Variants in SATB2 observed in about 807,000 individuals in gnomAD.
SATB2 encodes DNA-binding protein SATB2.
SATB2 carries 1 observed loss-of-function variant against 73.4 expected under a neutral mutation model. That is an observed-to-expected ratio of 0.01 (90% CI 0.00 to 0.06). The LOEUF (loss-of-function observed/expected upper bound fraction) is 0.06. SATB2 is among the 10% of genes least tolerant of loss of function. SATB2 has a pLI of 1.00. For missense variants in SATB2, 459 were observed against 945.8 expected (o/e 0.49, Z 6.75); for synonymous variants, 397 against 367.0 (o/e 1.08, Z -0.93).
At chr2:199,315,593 A>AC (rs1687710514) in intron 9 of SATB2, among the ~76,000 whole-genome samples, 1 of 151,986 alleles carries the variant, frequency 6.6e-6, no homozygotes, top group Non-Finnish European at 1.5e-5. Context: ...CTTGGTTTTG[A>AC]CCCCAACTTC....
At chr2:199,321,521 CAT>C (rs1304318402) in intron 9 of SATB2, among the ~76,000 whole-genome samples, 3 of 150,566 alleles carry the variant, frequency 2.0e-5, no homozygotes, top group South Asian at 2.1e-4. Context: ...TATATACACA[CAT>C]ATACATATAT....
chr2:199,456,158 C>A (rs1343164402), intron 1 of SATB2, 62 bp from the exon 2 acceptor site: 3 of 935,794 alleles, frequency 3.2e-6, no homozygotes, highest in Non-Finnish European at 3.3e-6. Flanking sequence ...CGCTCATACA[C>A]GTGATAGACG....
intron 2 of SATB2, among the ~76,000 whole-genome samples, chr2:199,437,496 G>A (rs1159778680): frequency 6.6e-6 from 1 of 152,200 alleles, no homozygotes; most frequent in Non-Finnish European, 1.5e-5. Flanking sequence ...ACTGTTCACA[G>A]CAACAGCTGT....
At chr2:199,274,784 G>A (rs557379661) in intron 10 of SATB2, among the ~76,000 whole-genome samples, 9 of 139,462 alleles carry the variant, frequency 6.5e-5, no homozygotes, top group African/African-American at 1.4e-4. Flanking sequence ...TGAGAGCTCC[G>A]TTACTTTAGC....
Position 199,386,705 on chromosome 2 carries a change from C to T in SATB2, c.347-4885G>A, listed in dbSNP as rs868285022. Among the ~76,000 whole-genome samples the T allele has an allele frequency of 3.2e-3, 217 of 68,856 alleles. 1 individual carries two copies. The highest frequency in any genetic ancestry group is 0.015 in the African/African-American group (168 of 11,212). The allele number at this position is 68,856 out of a possible 152,430, so 45.2% of individuals were successfully genotyped here. On this transcript the variant is annotated intron_variant, in intron 3 of 10. Coordinates refer to ENST00000417098, the MANE Select transcript of SATB2 (RefSeq NM_001172509.2). ...TCATACACGTGCGCAAGCGCGCGCG[C>T]GCGCGCGCGCGCACACACACACACA...
intron 10 of SATB2, among the ~76,000 whole-genome samples, chr2:199,284,918 A>T (rs894891964): frequency 3.3e-5 from 5 of 152,124 alleles, no homozygotes; most frequent in Non-Finnish European, 5.9e-5. Flanking sequence ...TAAACTAGAG[A>T]TAATTCAAAG....
chr2:199,298,464 G>A lies in SATB2; in HGVS notation c.1740+10296C>T, dbSNP rs1403053868. Among the ~76,000 whole-genome samples, 5 of 152,220 alleles carry A rather than the reference G, an allele frequency of 3.3e-5. No individual in the cohort carries two copies. The South Asian group carries it at 1.0e-3, about 32-fold the overall frequency. On this transcript the variant is annotated intron_variant, in intron 10 of 10. Transcript: ENST00000417098. ...TATTTTTTAAAAAAGAAGAAATGGA[G>A]GTTAAAATAAATTATATTTCCATTT... is the stretch of plus-strand genomic sequence containing the variant.
At chr2:199,296,669 A>T (rs896514627) in intron 10 of SATB2, among the ~76,000 whole-genome samples, 1 of 152,056 alleles carries the variant, frequency 6.6e-6, no homozygotes, top group African/African-American at 2.4e-5. Flanking sequence ...ACTTCACTCC[A>T]GCCTGAGCAA....
chr2:199,324,578 T>G (rs1463263115), intron 8 of SATB2, among the ~76,000 whole-genome samples: 1 of 152,182 alleles, frequency 6.6e-6, no homozygotes, highest in Admixed American at 6.6e-5. Flanking sequence ...TGTGCCGTTT[T>G]CATTTTCTTA....
At chr2:199,393,409 C>T (rs1046858625) in intron 3 of SATB2, among the ~76,000 whole-genome samples, 9 of 152,036 alleles carry the variant, frequency 5.9e-5, no homozygotes, top group African/African-American at 1.4e-4. Flanking sequence ...GAAAAGTGAG[C>T]GCCCATACTC....
chr2:199,434,854 G>A (rs1389891423), intron 2 of SATB2, among the ~76,000 whole-genome samples: 2 of 152,044 alleles, frequency 1.3e-5, no homozygotes, highest in African/African-American at 4.8e-5. Context: ...GCAAACTACT[G>A]GGTTACAGAT....
Position 199,366,812 on chromosome 2 carries a change from TAA to T in SATB2, c.700+1791_700+1792del, listed in dbSNP as rs36110374. Among the ~76,000 whole-genome samples the T allele has an allele frequency of 3.8e-3, 540 of 140,740 alleles. 2 individuals are homozygous for T. Among genetic ancestry groups the T allele is most frequent in the Middle Eastern group, 0.011 (3 of 274 alleles). 92.3% of individuals were successfully genotyped at this position (140,740 alleles called of 152,430 possible). A position where few individuals can be genotyped will look rare whatever the true frequency, so the allele number is the denominator to read the frequency against. ...GATTTAATTGTGCATTTACTATCTT[TAA>T]AAAAAAAAAAAAAAGATACAGCTTG... On this transcript the variant is annotated intron_variant, in intron 6 of 10. Transcript: ENST00000417098.
At chr2:199,283,284 G>A (rs908912347) in intron 10 of SATB2, among the ~76,000 whole-genome samples, 3 of 149,388 alleles carry the variant, frequency 2.0e-5, no homozygotes, top group Non-Finnish European at 4.4e-5. Flanking sequence ...TAGGGACGGG[G>A]TTTCATCGTA....
rs1227195255 is a variant in SATB2, at chr2:199,433,360, G to A, written c.324C>T (p.His108=). The A allele has an allele frequency of 6.2e-7, 1 of 1,614,066 alleles. No individual in the cohort carries two copies. Among genetic ancestry groups the A allele is most frequent in the Non-Finnish European group, 8.5e-7 (1 of 1,179,980 alleles). ...TACCTTGGGCCTGGGCCGCAGAGCT[G>A]TGAGAATACCCCAGGGCCAGGAGCG... ...ETALLALGYS[H]SSAAQAQGII... The change falls in exon 3 of 11, where the codon CAC becomes CAT. Residue 108 remains histidine, a synonymous_variant. Coordinates refer to ENST00000417098, the MANE Select transcript of SATB2 (RefSeq NM_001172509.2).
At chr2:199,287,359 GGAAAA>G (rs994929220) in intron 10 of SATB2, among the ~76,000 whole-genome samples, 12 of 152,146 alleles carry the variant, frequency 7.9e-5, no homozygotes, top group Middle Eastern at 6.8e-3. Context: ...GATATATGAA[GGAAAA>G]GAATAGATAC....
intron 7 of SATB2, chr2:199,346,761 A>T (rs1688662030): frequency 6.6e-6 from 1 of 151,722 alleles, no homozygotes; most frequent in Non-Finnish European, 1.5e-5. Context: ...CTGGTATAAC[A>T]TTTCACTTAG....
At chr2:199,372,704 C>A (rs1355425399) in intron 5 of SATB2, among the ~76,000 whole-genome samples, 1 of 152,050 alleles carries the variant, frequency 6.6e-6, no homozygotes, top group Admixed American at 6.6e-5. Context: ...CATCAGCGAC[C>A]CCAAGCTCAA....
intron 1 of SATB2, 42 bp from the exon 2 acceptor site, chr2:199,456,138 G>A: frequency 9.4e-7 from 1 of 1,060,348 alleles, no homozygotes; most frequent in South Asian, 1.4e-5. Flanking sequence ...GGAGAAAAAA[G>A]AGGGAAAACC....
intron 6 of SATB2, among the ~76,000 whole-genome samples, chr2:199,352,246 T>C (rs1688840267): frequency 6.6e-6 from 1 of 152,214 alleles, no homozygotes; most frequent in South Asian, 2.1e-4. Flanking sequence ...CAAACATTAA[T>C]TTTCCAAAAT....
Sources: allele counts gnomAD v4.1 joint callset (sites outside exome capture counted in the v4.1 genomes callset), GRCh38; gene constraint gnomAD v4.1.1; transcripts MANE v1.5; gene names NCBI Gene and HGNC (gene_info 2026-07-23, HGNC 2026-07-21).